The following CASZ1 variants were observed in gnomAD, a reference collection of about 807,000 sequenced individuals.
The protein encoded by CASZ1 is castor zinc finger 1, also known as zinc finger protein castor homolog 1.
Under a neutral mutation model 135.2 loss-of-function variants are expected in CASZ1, and 28 were observed. That is an observed-to-expected ratio of 0.21 (90% CI 0.15 to 0.28). The LOEUF (loss-of-function observed/expected upper bound fraction) is 0.28, where lower values mean the gene tolerates loss of function less well. CASZ1 is among the 10% of genes least tolerant of loss of function. The pLI is 1.00. For synonymous variants in CASZ1, 1,068 were observed against 1,073.4 expected, an observed-to-expected ratio of 0.99 and a Z score of 0.10; for missense variants, 2,161 against 2,453.3, an observed-to-expected ratio of 0.88 and a Z score of 2.52.
In CASZ1 at chr1:10,709,595, T is replaced by G. The variant is rs1639244359; in HGVS notation, c.-76-4051A>C. 6.7e-6 allele frequency among the ~76,000 whole-genome samples: 1 copy of G among 148,220 alleles called. No individual in the cohort carries two copies. The highest frequency in any genetic ancestry group is 1.5e-5 in the Non-Finnish European group (1 of 66,872). ...TTTTAGGAAAAGCATGTTAAAAGAG[T>G]GAAAAAGAAAGAGAGAGCGGGAGAG... On this transcript the variant is annotated intron_variant, in intron 2 of 20. Transcript: ENST00000377022. This position sits in a 1 kb window ranked among gnomAD's most constrained non-coding sequence, Gnocchi z 5.1.
At chr1:10,732,737 C>T (rs908736266) in intron 2 of CASZ1, among the ~76,000 whole-genome samples, 1 of 152,128 alleles carries the variant, frequency 6.6e-6, no homozygotes, top group Non-Finnish European at 1.5e-5. Flanking sequence ...GGTCTGGCTC[C>T]CATGGTGGCA....
chr1:10,796,067 G>C (rs1411190302), intron 1 of CASZ1, among the ~76,000 whole-genome samples: 4 of 152,042 alleles, frequency 2.6e-5, no homozygotes, highest in African/African-American at 9.7e-5. Flanking sequence ...GGTGGGGTGG[G>C]GTGGGGGTTT....
chr1:10,689,255 C>G (rs1276332270), intron 4 of CASZ1, among the ~76,000 whole-genome samples: 1 of 152,242 alleles, frequency 6.6e-6, no homozygotes, highest in Non-Finnish European at 1.5e-5. Context: ...CCCACCCAAT[C>G]CCCTGCTCAG....
rs749636741 is a variant in CASZ1, at chr1:10,647,873, G to A, written c.3425C>T (p.Ser1142Leu). The change falls in exon 16 of 21, where the codon TCG becomes TTG. Residue 1142 changes from serine (S) to leucine (L), a missense_variant. Coordinates refer to ENST00000377022, the MANE Select transcript of CASZ1 (RefSeq NM_001079843.3). The surrounding 1 kb of genome is among the most constrained non-coding windows in gnomAD (Gnocchi z 4.9). ...CTCTAGAGAAGTCGTTGCCAAGGGC[G>A]AGGCGGGCAGGTGAGGCACTGACGC... ...IPASVPHLPA[S>L]PLATTSLENA... The A allele has an allele frequency of 1.7e-5, 27 of 1,613,822 alleles. No homozygotes were observed. Among genetic ancestry groups the A allele is most frequent in the East Asian group, 1.6e-4 (7 of 44,896 alleles).
At position 10,657,363 on chromosome 1, in the gene CASZ1, C is replaced by A. The variant is rs185571750; in HGVS notation, c.1410-627G>T. 6.6e-6 allele frequency among the ~76,000 whole-genome samples: 1 copy of A among 152,220 alleles called. No homozygotes were observed. Among genetic ancestry groups the A allele is most frequent in the South Asian group, 2.1e-4 (1 of 4,822 alleles). ...TCCCACAGCCTCGGTGACGGCCGGC[C>A]GTGGGGAGGCCACTCTGGAGAGGCC... On this transcript the variant is annotated intron_variant, in intron 7 of 20. Transcript: ENST00000377022. The surrounding 1 kb of genome is among the most constrained non-coding windows in gnomAD (Gnocchi z 5.7).
chr1:10,790,597 T>C (rs1474152125), intron 1 of CASZ1, among the ~76,000 whole-genome samples: 1 of 152,248 alleles, frequency 6.6e-6, no homozygotes, highest in Admixed American at 6.5e-5. Context: ...TAAATCTCTC[T>C]TCTTTATATT....
rs1003258589 is a variant in CASZ1 at position 10,684,620 on chromosome 1, C to A, written c.16+9254G>T. On this transcript the variant is annotated intron_variant, in intron 4 of 20. Transcript: ENST00000377022. Reference sequence around the variant, plus strand: ...CAGTTTGCCCAGGACTGAGGGGGTTCACACACATGGGTCTTTGCAGTTCTG... The same window carrying A: ...CAGTTTGCCCAGGACTGAGGGGGTTAACACACATGGGTCTTTGCAGTTCTG... Among the ~76,000 whole-genome samples, 3 of 152,196 alleles carry A rather than the reference C, an allele frequency of 2.0e-5. 1 individual carries two copies. Among genetic ancestry groups the A allele is most frequent in the African/African-American group, 7.2e-5 (3 of 41,458 alleles).
rs12031981 is a variant in CASZ1 at position 10,774,522 on chromosome 1, T to G, written c.-233-13665A>C. Among the ~76,000 whole-genome samples, 2 of 151,856 alleles carry G rather than the reference T, an allele frequency of 1.3e-5. No homozygotes were observed. Among genetic ancestry groups the G allele is most frequent in the South Asian group, 4.2e-4 (2 of 4,816 alleles). On this transcript the variant is annotated intron_variant, in intron 1 of 20. Coordinates refer to ENST00000377022, the MANE Select transcript of CASZ1 (RefSeq NM_001079843.3). This position sits in a 1 kb window ranked among gnomAD's most constrained non-coding sequence, Gnocchi z 4.4. ...AGAGTCCTTTGCCTTCTGCACATTC[T>G]TTAAGCCCCGTGATCCCAAGAAATC...
intron 4 of CASZ1, among the ~76,000 whole-genome samples, chr1:10,688,848 C>T (rs1638676548): frequency 6.6e-6 from 1 of 151,840 alleles, no homozygotes; most frequent in East Asian, 1.9e-4. Flanking sequence ...CTGGGGCTGC[C>T]CGCCCTCCTC....
chr1:10,765,087 A>G (rs1640449215), intron 1 of CASZ1, among the ~76,000 whole-genome samples: 1 of 152,106 alleles, frequency 6.6e-6, no homozygotes, highest in South Asian at 2.1e-4. Flanking sequence ...CCTCCCCTAC[A>G]TCGGAACCTC....
Position 10,701,156 on chromosome 1 carries a change from C to T in CASZ1, c.-24+4336G>A, listed in dbSNP as rs1639052254. On this transcript the variant is annotated intron_variant, in intron 3 of 20. Transcript: ENST00000377022. The surrounding 1 kb of genome is among the most constrained non-coding windows in gnomAD (Gnocchi z 6.3). Reference sequence around the variant, plus strand: ...AGCAGGTTGTCAAGGAGCTGAGCTGCCCCAGGTGTCTGGTGGGGCTCCTGG... The same window carrying T: ...AGCAGGTTGTCAAGGAGCTGAGCTGTCCCAGGTGTCTGGTGGGGCTCCTGG... Among the ~76,000 whole-genome samples, 1 of 152,180 alleles carries T rather than the reference C, an allele frequency of 6.6e-6. No individual in the cohort carries two copies. The highest frequency in any genetic ancestry group is 2.1e-4 in the South Asian group (1 of 4,826).
intron 4 of CASZ1, among the ~76,000 whole-genome samples, chr1:10,672,208 C>T (rs999051209): frequency 2.1e-5 from 3 of 143,856 alleles, no homozygotes; most frequent in African/African-American, 7.8e-5. Context: ...CCTTCTCCCC[C>T]CTCCCCCCGC....
chr1:10,654,693 G>C, intron 9 of CASZ1, 102 bp from the exon 10 acceptor site: 1 of 1,154,146 alleles, frequency 8.7e-7, no homozygotes, highest in South Asian at 1.5e-5. Flanking sequence ...TCCCTGCTCA[G>C]GGAAGCTTTG....
At chr1:10,758,337 T>C (rs1640299028) in intron 2 of CASZ1, among the ~76,000 whole-genome samples, 1 of 149,434 alleles carries the variant, frequency 6.7e-6, no homozygotes, top group South Asian at 2.2e-4. Context: ...TCTTTTTTTT[T>C]TTTTTTTTTT....
intron 2 of CASZ1, among the ~76,000 whole-genome samples, chr1:10,749,253 A>G (rs1248509499): frequency 7.2e-6 from 1 of 139,788 alleles, no homozygotes; most frequent in Non-Finnish European, 1.6e-5. Context: ...TTTCCCCCCT[A>G]TTTTTTTTTT....
intron 4 of CASZ1, among the ~76,000 whole-genome samples, chr1:10,687,649 T>A (rs919082679): frequency 6.6e-6 from 1 of 151,978 alleles, no homozygotes; most frequent in Admixed American, 6.5e-5. Context: ...AGTGGTGAGG[T>A]CTGCTCAGGA....
At position 10,639,985 on chromosome 1, in the gene CASZ1, C is replaced by T. The variant is rs762925857; in HGVS notation, c.4237G>A (p.Gly1413Ser). The change falls in exon 21 of 21, where the codon GGC becomes AGC. Residue 1413 changes from glycine to serine, a missense_variant. Coordinates refer to ENST00000377022, the MANE Select transcript of CASZ1 (RefSeq NM_001079843.3). The surrounding 1 kb of genome is among the most constrained non-coding windows in gnomAD (Gnocchi z 4.0). The part of the protein sequence containing the change: ...FWIIEDMSPF[G>S]KRRKTASSRK... ...GAGGACGCCGTCTTCCGCCGCTTGCCGAAGGGCGACATGTCCTCGATGATC... is the reference window on the plus strand; with the variant it reads ...GAGGACGCCGTCTTCCGCCGCTTGCTGAAGGGCGACATGTCCTCGATGATC... 6 of 1,612,610 alleles carry T rather than the reference C, an allele frequency of 3.7e-6. No homozygotes were observed. Among genetic ancestry groups the T allele is most frequent in the East Asian group, 2.2e-5 (1 of 44,902 alleles).
chr1:10,737,775 G>A (rs557002192), intron 2 of CASZ1, among the ~76,000 whole-genome samples: 183 of 152,330 alleles, frequency 1.2e-3, no homozygotes, highest in Non-Finnish European at 2.2e-3. Flanking sequence ...CCAAAGGAGC[G>A]ACAGTGGGCC....
intron 1 of CASZ1, among the ~76,000 whole-genome samples, chr1:10,786,924 A>T (rs897628599): frequency 6.6e-6 from 1 of 151,916 alleles, no homozygotes; most frequent in South Asian, 2.1e-4. Flanking sequence ...CACCCGCGAC[A>T]CCCAGGCTCA....
Sources: allele counts gnomAD v4.1 joint callset (sites outside exome capture counted in the v4.1 genomes callset), GRCh38; gene constraint gnomAD v4.1.1; non-coding constraint Gnocchi (gnomAD v3.1); transcripts MANE v1.5; gene names NCBI Gene and HGNC (gene_info 2026-07-23, HGNC 2026-07-21).